FAM117A: variants seen among roughly 807,000 people sequenced by gnomAD.
FAM117A encodes the protein protein FAM117A.
In FAM117A, 21 loss-of-function variants were observed where a neutral mutation model predicts 44.1. That is an observed-to-expected ratio of 0.48 (90% CI 0.34 to 0.69). The LOEUF (loss-of-function observed/expected upper bound fraction) is 0.69. Ranked by LOEUF, FAM117A falls within the 30% of genes least tolerant of loss-of-function variation. The pLI is 0.01. For missense variants in FAM117A, 498 were observed against 589.9 expected (o/e 0.84, Z 1.61); for synonymous variants, 220 against 238.3 (o/e 0.92, Z 0.71).
intron 2 of FAM117A, among the ~76,000 whole-genome samples, chr17:49,725,489 G>C (rs73335256): frequency 0.037 from 5,698 of 152,306 alleles, 362 homozygotes; most frequent in African/African-American, 0.13. Flanking sequence ...AATGCTGGGT[G>C]GGGGATACAA....
In FAM117A at chr17:49,717,629, C is replaced by T; in HGVS notation, c.794G>A (p.Gly265Asp). The change falls in exon 6 of 8, where the codon GGC (glycine) becomes GAC (aspartate). Residue 265 changes from glycine to aspartate, a missense_variant. By Grantham distance (94) the Gly-to-Asp change is moderately conservative. Transcript: ENST00000240364. The part of the protein sequence containing the change: ...CDHPLLLLEP[G>D]NLASSPSMSL... ...CATGGAAGGAGAGCTGGCAAGGTTG[C>T]CAGGCTCCAGGAGGAGGAGGGGATG... The T allele has an allele frequency of 1.2e-6, 2 of 1,614,018 alleles. No homozygotes were observed. The highest frequency in any genetic ancestry group is 8.5e-7 in the Non-Finnish European group (1 of 1,179,960).
At chr17:49,750,228 T>C (rs2073670852) in intron 1 of FAM117A, among the ~76,000 whole-genome samples, 1 of 148,968 alleles carries the variant, frequency 6.7e-6, no homozygotes, top group South Asian at 2.1e-4. Context: ...TTCTTACACA[T>C]GCTCAAACAC....
chr17:49,758,621 C>CAAAA (rs1182238605), intron 1 of FAM117A, among the ~76,000 whole-genome samples: 1 of 93,854 alleles, frequency 1.1e-5, no homozygotes, highest in East Asian at 3.0e-4. Context: ...GAGACTGTCT[C>CAAAA]AAAAAAAAAA....
intron 1 of FAM117A, among the ~76,000 whole-genome samples, chr17:49,788,284 T>C (rs950400324): frequency 6.6e-6 from 1 of 152,200 alleles, no homozygotes; most frequent in African/African-American, 2.4e-5. Context: ...TTTGAGTTTA[T>C]ATAATAAACG....
chr17:49,736,151 A>G (rs1164773190), intron 1 of FAM117A, among the ~76,000 whole-genome samples: 1 of 152,136 alleles, frequency 6.6e-6, no homozygotes, highest in East Asian at 1.9e-4. Context: ...TTGTTTTGTT[A>G]TGTTTTTACC....
At chr17:49,734,058 G>A (rs1057393570) in intron 1 of FAM117A, among the ~76,000 whole-genome samples, 2 of 151,342 alleles carry the variant, frequency 1.3e-5, no homozygotes, top group African/African-American at 4.9e-5. Context: ...CAGGAGAATG[G>A]TGTGAACCCA....
Position 49,716,224 on chromosome 17 carries a change from G to A in FAM117A, c.1002C>T (p.Tyr334=), listed in dbSNP as rs1285987521. 1 of 1,611,850 alleles carries A rather than the reference G, an allele frequency of 6.2e-7. No homozygotes were observed. Among genetic ancestry groups the A allele is most frequent in the Admixed American group, 1.7e-5 (1 of 59,924 alleles). ...FAASPRPNHS[Y]IFKREPPEGC... is the part of the protein sequence containing the mutation. ...CTTCTGGGGGCTCCCGTTTGAAGAT[G>A]TAGCTATGATTAGGTCGAGGGGAGG... Residue 334 remains tyrosine, a synonymous_variant, in exon 7 of 8, where the codon TAC becomes TAT. Transcript: ENST00000240364.
chr17:49,713,823 C>T (rs534833328), intron 7 of FAM117A, among the ~76,000 whole-genome samples: 28 of 152,130 alleles, frequency 1.8e-4, no homozygotes, highest in African/African-American at 6.0e-4. Context: ...ATCTTAATTC[C>T]GGAATTCCAA....
chr17:49,779,589 C>G (rs551313254), intron 1 of FAM117A, among the ~76,000 whole-genome samples: 2 of 152,282 alleles, frequency 1.3e-5, no homozygotes, highest in African/African-American at 4.8e-5. Context: ...TCATGTGTAC[C>G]CCCCATTTAA....
chr17:49,751,713 G>A (rs2073678300), intron 1 of FAM117A, among the ~76,000 whole-genome samples: 2 of 151,992 alleles, frequency 1.3e-5, no homozygotes, highest in South Asian at 4.2e-4. Flanking sequence ...GGAGGCTGAG[G>A]TGGGCAGATC....
upstream of FAM117A, chr17:49,765,694 T>C (rs2073743585): frequency 6.6e-6 from 1 of 152,192 alleles, no homozygotes; most frequent in Non-Finnish European, 1.5e-5. Context: ...TACTTTTCCA[T>C]GAAGAGGACA....
At chr17:49,721,671 G>C (rs1332865770) in intron 3 of FAM117A, among the ~76,000 whole-genome samples, 1 of 152,242 alleles carries the variant, frequency 6.6e-6, no homozygotes, top group African/African-American at 2.4e-5. Flanking sequence ...AGCTGATGGG[G>C]AGCCCTGGAA....
chr17:49,786,456 G>A (rs1308330659), intron 1 of FAM117A, among the ~76,000 whole-genome samples: 1 of 152,142 alleles, frequency 6.6e-6, no homozygotes, highest in Non-Finnish European at 1.5e-5. Flanking sequence ...TTTACTGTGG[G>A]AAGAACGAGG....
At chr17:49,764,986 A>AC (rs2073740937), upstream of FAM117A, among the ~76,000 whole-genome samples, 1 of 152,328 alleles carries the variant, frequency 6.6e-6, no homozygotes, top group Admixed American at 6.5e-5. Flanking sequence ...CCAAGTTTGC[A>AC]CCGCGACTCC....
At chr17:49,756,263 C>A (rs1315699075) in intron 1 of FAM117A, among the ~76,000 whole-genome samples, 1 of 152,032 alleles carries the variant, frequency 6.6e-6, no homozygotes, top group Non-Finnish European at 1.5e-5. Flanking sequence ...TTTGCCTACT[C>A]CAGCTTGAAT....
At chr17:49,756,971 T>C (rs1219929904) in intron 1 of FAM117A, among the ~76,000 whole-genome samples, 1 of 150,448 alleles carries the variant, frequency 6.6e-6, no homozygotes, top group Non-Finnish European at 1.5e-5. Flanking sequence ...AACCTACAGC[T>C]TTGTTCTGTC....
At chr17:49,774,614 T>A (rs1383377989) in intron 1 of FAM117A, among the ~76,000 whole-genome samples, 1 of 152,204 alleles carries the variant, frequency 6.6e-6, no homozygotes, top group African/African-American at 2.4e-5. Flanking sequence ...CGCCTCAGCC[T>A]CCCAAAGTGC....
At chr17:49,728,810 T>C (rs996459380) in intron 2 of FAM117A, among the ~76,000 whole-genome samples, 7 of 152,224 alleles carry the variant, frequency 4.6e-5, no homozygotes, top group African/African-American at 1.7e-4. Flanking sequence ...GACCTGGTCA[T>C]CTCTCCCGTT....
At chr17:49,778,992 AG>A (rs2073782276) in intron 1 of FAM117A, among the ~76,000 whole-genome samples, 2 of 152,216 alleles carry the variant, frequency 1.3e-5, no homozygotes, top group South Asian at 4.1e-4. Context: ...CTGAAGGATT[AG>A]TGAAAATAGG....
Sources: gnomAD v4.1 joint callset for allele counts (sites outside exome capture counted in the v4.1 genomes callset) on GRCh38, gnomAD v4.1.1 for gene constraint, MANE v1.5 for transcripts, NCBI Gene and HGNC (gene_info 2026-07-23, HGNC 2026-07-21) for gene names.